The following IFITM10 variants were observed in gnomAD, a reference collection of about 807,000 sequenced individuals.
IFITM10 encodes the protein interferon induced transmembrane protein 10, also known as interferon-induced transmembrane protein 10.
In IFITM10, 17 loss-of-function variants were observed where a neutral mutation model predicts 19.0. That is an observed-to-expected ratio of 0.90 (90% CI 0.61 to 1.34). The LOEUF (loss-of-function observed/expected upper bound fraction) is 1.34. IFITM10 is among the 40% of genes most tolerant of loss of function. The pLI is 0.00. For missense variants in IFITM10, 306 were observed against 319.8 expected (o/e 0.96, Z 0.33); for synonymous variants, 148 against 147.2 (o/e 1.01, Z -0.04).
At chr11:1,746,294 A>G (rs1395491639) in intron 2 of IFITM10, 2 of 342,456 alleles carry the variant, frequency 5.8e-6, no homozygotes, top group Non-Finnish European at 1.1e-5. Context: ...ATATGCATTC[A>G]CATGTACACA....
intron 2 of IFITM10, chr11:1,746,727 CCT>C (rs1308607370): frequency 2.5e-5 from 10 of 398,918 alleles, no homozygotes; most frequent in Middle Eastern, 6.3e-4. Context: ...CCCTGCATCC[CCT>C]GTCTTCTCCC....
chr11:1,749,324 G>C (rs1448931239), intron 1 of IFITM10: 1 of 153,468 alleles, frequency 6.5e-6, no homozygotes, highest in Non-Finnish European at 1.4e-5. Context: ...GCGACCCTGG[G>C]GAGTTGCAAG....
intron 2 of IFITM10, among the ~76,000 whole-genome samples, chr11:1,741,686 G>A (rs1285196029): frequency 6.6e-6 from 1 of 152,142 alleles, no homozygotes; most frequent in African/African-American, 2.4e-5. Context: ...GAGATGGATG[G>A]AACAGGTCAC....
At chr11:1,744,142 T>C (rs1220041299) in intron 2 of IFITM10, among the ~76,000 whole-genome samples, 1 of 152,212 alleles carries the variant, frequency 6.6e-6, no homozygotes, top group African/African-American at 2.4e-5. Flanking sequence ...GGGAATGAAG[T>C]ATTCCTTTTC....
chr11:1,737,223 A>G (rs959083527), intron 2 of IFITM10, among the ~76,000 whole-genome samples: 1 of 152,112 alleles, frequency 6.6e-6, no homozygotes, highest in African/African-American at 2.4e-5. Flanking sequence ...TAGTCTATTT[A>G]TTGTTTTTAT....
chr11:1,746,270 ACACACATG>A (rs1845648250), intron 2 of IFITM10: 2 of 207,966 alleles, frequency 9.6e-6, no homozygotes, highest in South Asian at 3.4e-4. Flanking sequence ...CCACGTAATT[ACACACATG>A]CACACATATG....
intron 2 of IFITM10, among the ~76,000 whole-genome samples, chr11:1,740,537 G>C (rs1845554364): frequency 6.6e-6 from 1 of 152,042 alleles, no homozygotes; most frequent in Admixed American, 6.6e-5. Flanking sequence ...TTTGGGGTTT[G>C]ATCAACTGAA....
Position 1,750,589 on chromosome 11 carries a change from CTT to C in IFITM10, c.-149_-148del. The C allele has an allele frequency of 9.9e-7, 1 of 1,010,450 alleles. No homozygotes were observed. Among genetic ancestry groups the C allele is most frequent in the South Asian group, 1.6e-5 (1 of 62,986 alleles). 62.6% of individuals were successfully genotyped at this position (1,010,450 alleles called of 1,614,324 possible). ...GCCTGCCTGTGCCTGACTCTGAACC[CTT>C]TCTCTCCCCAAACCTCTGTTCTGAA... On this transcript the variant is annotated 5_prime_UTR_variant, in exon 1 of 3. Transcript: ENST00000340134.
At chr11:1,748,517 A>C in intron 1 of IFITM10, 2 of 186,462 alleles carry the variant, frequency 1.1e-5, no homozygotes, top group East Asian at 2.6e-4. Context: ...TCAGCCGCCA[A>C]CCGGCAGAGC....
rs573509318 is a variant in IFITM10, at chr11:1,733,125, G to T, written c.*2155C>A. 2 of 152,336 alleles carry T rather than the reference G, an allele frequency of 1.3e-5. 1 individual carries two copies. The highest frequency in any genetic ancestry group is 4.1e-4 in the South Asian group (2 of 4,820). The allele number at this position is 152,336 out of a possible 1,614,324, so 9.4% of individuals were successfully genotyped here. ...TGTCCAGGAAGCCTCTGGGTCTAAT[G>T]GTGCAAGCATCCGAAGTGCCCACAA... On this transcript the variant is annotated 3_prime_UTR_variant, in exon 3 of 3. Coordinates refer to ENST00000340134, the MANE Select transcript of IFITM10 (RefSeq NM_001170820.4). This position sits in a 1 kb window ranked among gnomAD's most constrained non-coding sequence, Gnocchi z 6.3.
intron 2 of IFITM10, among the ~76,000 whole-genome samples, chr11:1,743,948 T>C (rs1489309307): frequency 6.6e-6 from 1 of 152,154 alleles, no homozygotes; most frequent in Non-Finnish European, 1.5e-5. Context: ...CCTCAGGCAC[T>C]CTTCCAGGAA....
At chr11:1,735,746 T>G (rs958092843) in intron 2 of IFITM10, among the ~76,000 whole-genome samples, 3 of 152,204 alleles carry the variant, frequency 2.0e-5, no homozygotes, top group African/African-American at 4.8e-5. Flanking sequence ...GGCAACTGGG[T>G]GAAGGATATA....
chr11:1,735,221 A>T lies in IFITM10; in HGVS notation c.*59T>A. ...CCTCATGGGATCCTGCGTTTCAGGG[A>T]CCATGAGAATAAACATGTCTCAGTG... On this transcript the variant is annotated 3_prime_UTR_variant, in exon 3 of 3. Coordinates refer to ENST00000340134, the MANE Select transcript of IFITM10 (RefSeq NM_001170820.4). 1 of 1,523,856 alleles carries T rather than the reference A, an allele frequency of 6.6e-7. No homozygotes were observed. Among genetic ancestry groups the T allele is most frequent in the Non-Finnish European group, 8.9e-7 (1 of 1,125,790 alleles). 94.4% of individuals were successfully genotyped at this position (1,523,856 alleles called of 1,614,324 possible).
chr11:1,743,535 A>G (rs1283765250), intron 2 of IFITM10, among the ~76,000 whole-genome samples: 3 of 152,132 alleles, frequency 2.0e-5, no homozygotes, highest in Non-Finnish European at 4.4e-5. Flanking sequence ...TGAATGATAG[A>G]TGGATGGAGG....
chr11:1,741,047 TA>T (rs1845565168), intron 2 of IFITM10, among the ~76,000 whole-genome samples: 1 of 152,028 alleles, frequency 6.6e-6, no homozygotes, highest in Non-Finnish European at 1.5e-5. Flanking sequence ...CAGAAGCAGA[TA>T]CCAGCACCAT....
chr11:1,737,662 G>C (rs1270290496), intron 2 of IFITM10, among the ~76,000 whole-genome samples: 1 of 152,184 alleles, frequency 6.6e-6, no homozygotes, highest in East Asian at 1.9e-4. Context: ...AGCGTTTCCA[G>C]ACAGCAGCAA....
At chr11:1,736,693 T>G (rs1225398491) in intron 2 of IFITM10, among the ~76,000 whole-genome samples, 1 of 146,058 alleles carries the variant, frequency 6.8e-6, no homozygotes, top group East Asian at 2.0e-4. Flanking sequence ...ATGGATGGAG[T>G]GCAGTGGGTG....
At chr11:1,744,852 G>GC (rs1156956836) in intron 2 of IFITM10, 2 of 152,284 alleles carry the variant, frequency 1.3e-5, no homozygotes, top group African/African-American at 2.4e-5. Context: ...TCGGATTTTA[G>GC]CCAAGACCTT....
intron 2 of IFITM10, chr11:1,746,309 C>G (rs927060115): frequency 5.5e-6 from 2 of 362,970 alleles, no homozygotes; most frequent in Non-Finnish European, 4.9e-6. Flanking sequence ...TACACACATG[C>G]AAATACACTC....
Sources: allele counts gnomAD v4.1 joint callset (sites outside exome capture counted in the v4.1 genomes callset), GRCh38; gene constraint gnomAD v4.1.1; non-coding constraint Gnocchi (gnomAD v3.1); transcripts MANE v1.5; gene names NCBI Gene and HGNC (gene_info 2026-07-23, HGNC 2026-07-21).